LHFPL3: variants seen among roughly 807,000 people sequenced by gnomAD.
LHFPL3 encodes LHFPL tetraspan subfamily member 3 protein.
A neutral mutation model predicts 19.3 loss-of-function variants in LHFPL3; 5 were observed. That is an observed-to-expected ratio of 0.26 (90% CI 0.14 to 0.54). LHFPL3 has a LOEUF of 0.54. Ranked by LOEUF, LHFPL3 falls within the 20% of genes least tolerant of loss-of-function variation. LHFPL3 has a pLI of 0.94. For missense variants in LHFPL3, 249 were observed against 307.4 expected (o/e 0.81, Z 1.42); for synonymous variants, 133 against 126.2 (o/e 1.05, Z -0.36).
intron 1 of LHFPL3, among the ~76,000 whole-genome samples, chr7:104,393,745 C>G (rs536635491): frequency 6.6e-6 from 1 of 152,096 alleles, no homozygotes; most frequent in South Asian, 2.1e-4. Context: ...TATATTCATA[C>G]AAAGAATATA....
chr7:104,607,573 A>C (rs1326876310), intron 1 of LHFPL3, among the ~76,000 whole-genome samples: 1 of 152,208 alleles, frequency 6.6e-6, no homozygotes, highest in Non-Finnish European at 1.5e-5. Flanking sequence ...GTTATTGAAA[A>C]AGGGGTGCCA....
At chr7:104,687,690 A>T (rs2116118470) in intron 1 of LHFPL3, among the ~76,000 whole-genome samples, 1 of 152,332 alleles carries the variant, frequency 6.6e-6, no homozygotes, top group African/African-American at 2.4e-5. Context: ...CACAAAGAAA[A>T]TATAACAGTT....
intron 1 of LHFPL3, among the ~76,000 whole-genome samples, chr7:104,400,790 A>G (rs1295592260): frequency 6.6e-6 from 1 of 151,862 alleles, no homozygotes; most frequent in Non-Finnish European, 1.5e-5. Flanking sequence ...CCAATTGTTA[A>G]CCTCCTCTTT....
At chr7:104,824,836 T>C (rs982179361) in intron 2 of LHFPL3, among the ~76,000 whole-genome samples, 33 of 129,938 alleles carry the variant, frequency 2.5e-4, no homozygotes, top group African/African-American at 9.6e-4. Context: ...TATAATTATA[T>C]ATTATATATT....
At chr7:104,407,056 G>C (rs552569338) in intron 1 of LHFPL3, among the ~76,000 whole-genome samples, 2 of 152,252 alleles carry the variant, frequency 1.3e-5, no homozygotes, top group African/African-American at 4.8e-5. Flanking sequence ...GTTGTACAAT[G>C]GGGATCACAG....
intron 1 of LHFPL3, among the ~76,000 whole-genome samples, chr7:104,511,729 A>G (rs1793817137): frequency 6.6e-6 from 1 of 152,150 alleles, no homozygotes; most frequent in South Asian, 2.1e-4. Context: ...TGCTTGGGTG[A>G]TGGGTGCACC....
intron 2 of LHFPL3, among the ~76,000 whole-genome samples, chr7:104,815,607 C>A (rs1175479380): frequency 1.3e-5 from 2 of 152,190 alleles, no homozygotes; most frequent in South Asian, 2.1e-4. Flanking sequence ...CCCAAAGGGA[C>A]AAAGAATTCT....
chr7:104,602,161 C>G (rs950170310), intron 1 of LHFPL3, among the ~76,000 whole-genome samples: 13 of 150,750 alleles, frequency 8.6e-5, no homozygotes, highest in African/African-American at 3.2e-4. Context: ...GCTGGGATTA[C>G]AGGCGTGCAC....
At chr7:104,844,084 T>C (rs1325605443) in intron 2 of LHFPL3, among the ~76,000 whole-genome samples, 2 of 152,180 alleles carry the variant, frequency 1.3e-5, no homozygotes, top group East Asian at 3.8e-4. Context: ...TTAGACTAAG[T>C]GTCCCATCCT....
At chr7:104,603,501 C>T (rs1791027073) in intron 1 of LHFPL3, among the ~76,000 whole-genome samples, 1 of 152,022 alleles carries the variant, frequency 6.6e-6, no homozygotes, top group Admixed American at 6.6e-5. Context: ...TCCCAGTAGC[C>T]CCAAAAGTCT....
chr7:104,435,067 T>C (rs1485034493), intron 1 of LHFPL3, among the ~76,000 whole-genome samples: 1 of 152,148 alleles, frequency 6.6e-6, no homozygotes, highest in Non-Finnish European at 1.5e-5. Flanking sequence ...CACAATGACA[T>C]TAAATTTAAG....
In LHFPL3 at chr7:104,660,024, C is replaced by T. The variant is rs534359533; in HGVS notation, c.446-76651C>T. Among the ~76,000 whole-genome samples, 252 of 139,082 alleles carry T rather than the reference C, an allele frequency of 1.8e-3. 1 individual carries two copies. The highest frequency in any genetic ancestry group is 4.9e-3 in the Admixed American group (66 of 13,422). 91.2% of individuals were successfully genotyped at this position (139,082 alleles called of 152,430 possible). ...AACTCGTTTTTTTTTTTTTTTGAGA[C>T]GGAGTCTCACTCTGTTGCCCAGGCT... is the stretch of plus-strand genomic sequence containing the variant. On this transcript the variant is annotated intron_variant, in intron 1 of 2. Coordinates refer to ENST00000424859, the MANE Select transcript of LHFPL3 (RefSeq NM_199000.3).
intron 1 of LHFPL3, among the ~76,000 whole-genome samples, chr7:104,541,957 A>C (rs1285352724): frequency 1.3e-5 from 2 of 152,066 alleles, no homozygotes; most frequent in African/African-American, 4.8e-5. Flanking sequence ...GCAGATGTGG[A>C]AAGATAGGAG....
At chr7:104,817,026 T>G (rs1790569138) in intron 2 of LHFPL3, among the ~76,000 whole-genome samples, 1 of 152,132 alleles carries the variant, frequency 6.6e-6, no homozygotes. Context: ...CTTCTCCCCC[T>G]CTTTCCACCC....
chr7:104,479,364 T>C (rs991315561), intron 1 of LHFPL3, among the ~76,000 whole-genome samples: 3 of 151,436 alleles, frequency 2.0e-5, no homozygotes, highest in Non-Finnish European at 4.4e-5. Flanking sequence ...CTGTGAGATG[T>C]TGGGGAGACA....
intron 2 of LHFPL3, among the ~76,000 whole-genome samples, chr7:104,795,370 A>G: frequency 6.6e-6 from 1 of 152,226 alleles, no homozygotes; most frequent in Non-Finnish European, 1.5e-5. Flanking sequence ...CCAGCAAGAT[A>G]ACAGGCTTCT....
At chr7:104,516,492 AT>A (rs1562922530) in intron 1 of LHFPL3, among the ~76,000 whole-genome samples, 1 of 152,136 alleles carries the variant, frequency 6.6e-6, no homozygotes, top group African/African-American at 2.4e-5. Context: ...CATGTAATTA[AT>A]TTTATTTGCC....
chr7:104,368,669 G>C (rs1185429782), intron 1 of LHFPL3, among the ~76,000 whole-genome samples: 1 of 151,966 alleles, frequency 6.6e-6, no homozygotes, highest in Non-Finnish European at 1.5e-5. Flanking sequence ...GTGTGTGTGT[G>C]TGTGTGTGTG....
chr7:104,794,535 T>C (rs1037739876), intron 2 of LHFPL3, among the ~76,000 whole-genome samples: 3 of 152,218 alleles, frequency 2.0e-5, no homozygotes, highest in African/African-American at 7.2e-5. Flanking sequence ...ACACAGCTAG[T>C]GATGTGTGCG....
Sources: allele counts gnomAD v4.1 joint callset (sites outside exome capture counted in the v4.1 genomes callset), GRCh38; gene constraint gnomAD v4.1.1; transcripts MANE v1.5; gene names NCBI Gene and HGNC (gene_info 2026-07-23, HGNC 2026-07-21).